Variants in ZXDC observed in about 807,000 individuals in gnomAD.
The protein encoded by ZXDC is zinc finger protein ZXDC.
A neutral mutation model predicts 63.6 loss-of-function variants in ZXDC; 58 were observed. The observed-to-expected ratio is 0.91, with a 90% CI of 0.74 to 1.13. The LOEUF is 1.13. Among genes scored for constraint, ZXDC ranks in the 50% most tolerant of loss-of-function variants. ZXDC has a pLI of 0.00. For missense variants in ZXDC, 1,133 were observed against 1,148.9 expected, an observed-to-expected ratio of 0.99 and a Z score of 0.20; for synonymous variants, 561 against 496.1, an observed-to-expected ratio of 1.13 and a Z score of -1.74.
rs1395051725 is a variant in ZXDC, at chr3:126,463,655, C to T, written c.1442-1435G>A. Among the ~76,000 whole-genome samples, 7 of 152,192 alleles carry T rather than the reference C, an allele frequency of 4.6e-5. No individual in the cohort carries two copies. The South Asian group carries it at 6.2e-4, about 14-fold the overall frequency. On this transcript the variant is annotated intron_variant, in intron 5 of 9. Coordinates refer to ENST00000389709, the MANE Select transcript of ZXDC (RefSeq NM_025112.5). ...AGAGCCAAATAAGGACTTGATGTCA[C>T]GCTTTCCATAGGACTGTCCCCAGCA...
chr3:126,444,376 C>CA lies in ZXDC; in HGVS notation c.2213-2431dup, dbSNP rs370277770. Among the ~76,000 whole-genome samples the CA allele has an allele frequency of 2.0e-5, 3 of 152,066 alleles. No homozygotes were observed. In the South Asian group the frequency reaches 6.2e-4, roughly 32 times the overall value. On this transcript the variant is annotated intron_variant, in intron 7 of 9. Coordinates refer to ENST00000389709, the MANE Select transcript of ZXDC (RefSeq NM_025112.5). The stretch of plus-strand genomic sequence containing the variant: ...TGAAACCTCGTCTCTACTAAAAATA[C>CA]AAAAAATTAGCCAGTGGTGGTGGCG...
chr3:126,460,885 T>C (rs917312283), intron 6 of ZXDC: 17 of 985,280 alleles, frequency 1.7e-5, no homozygotes, highest in Non-Finnish European at 2.0e-5. Context: ...AAATTTAGCC[T>C]GTGCCACAAA....
chr3:126,457,694 C>G, intron 7 of ZXDC: 1 of 968,582 alleles, frequency 1.0e-6, no homozygotes, highest in Middle Eastern at 5.3e-4. Context: ...GCTTTATAGA[C>G]ATGTCCCAGC....
intron 8 of ZXDC, 71 bp downstream of exon 8, chr3:126,441,694 G>A (rs1294772359): frequency 1.1e-5 from 16 of 1,471,076 alleles, no homozygotes; most frequent in African/African-American, 4.3e-5. Context: ...GCAGCATGCC[G>A]CACACTGCTC....
chr3:126,453,008 G>C (rs761351393), intron 7 of ZXDC: 8 of 985,230 alleles, frequency 8.1e-6, no homozygotes, highest in Non-Finnish European at 9.6e-6. Context: ...ACAGTGCTGG[G>C]ATTACAGCTC....
At chr3:126,444,003 C>T (rs1052469948) in intron 7 of ZXDC, among the ~76,000 whole-genome samples, 3 of 152,182 alleles carry the variant, frequency 2.0e-5, no homozygotes, top group Non-Finnish European at 2.9e-5. Context: ...TAGAATTAGA[C>T]ATGGTCAGCA....
In ZXDC at chr3:126,466,253, G is replaced by A. The variant is rs1934760438; in HGVS notation, c.1343C>T (p.Ala448Val). ...AGAAACTGGGCAACGGCTTTTCGGAGCACCCACATCCTGCACGTGTTTCTT... is the reference window on the plus strand; with the variant it reads ...AGAAACTGGGCAACGGCTTTTCGGAACACCCACATCCTGCACGTGTTTCTT... ...HSKKHVQDVG[A>V]PKSRCPVSTC... Residue 448 changes from alanine (A) to valine (V), a missense_variant, in exon 5 of 10, where the codon GCT becomes GTT. Ala to Val is a moderately conservative substitution (Grantham distance 64). Coordinates refer to ENST00000389709, the MANE Select transcript of ZXDC (RefSeq NM_025112.5). 1.9e-6 allele frequency: 3 copies of A among 1,614,104 alleles called. No individual in the cohort carries two copies. The highest frequency in any genetic ancestry group is 1.3e-5 in the African/African-American group (1 of 74,936).
chr3:126,464,940 C>T (rs1934697541), intron 5 of ZXDC, among the ~76,000 whole-genome samples: 1 of 152,242 alleles, frequency 6.6e-6, no homozygotes, highest in African/African-American at 2.4e-5. Flanking sequence ...CAAGGAGGGG[C>T]TTCATGACCA....
intron 6 of ZXDC, chr3:126,460,937 C>A (rs1934503482): frequency 1.0e-6 from 1 of 984,678 alleles, no homozygotes; most frequent in Non-Finnish European, 1.2e-6. Flanking sequence ...TCAGGAAAGT[C>A]AGACTATCTC....
Position 126,461,619 on chromosome 3 carries a change from C to T in ZXDC, c.2043G>A (p.Leu681=), listed in dbSNP as rs1359398750. The stretch of plus-strand genomic sequence containing the variant: ...CTGGACTGGGCAACGTGGACTGGGG[C>T]AGCCCATGGCTTCCTTCCTGCTGCC... ...AVGQQEGSHG[L]PQSTLPSPAE... is the part of the protein sequence containing the mutation. Residue 681 remains leucine, a synonymous_variant, in exon 6 of 10, where the codon CTG becomes CTA. Transcript: ENST00000389709. 4.3e-6 allele frequency: 7 copies of T among 1,613,968 alleles called. No individual in the cohort carries two copies. The highest frequency in any genetic ancestry group is 4.2e-6 in the Non-Finnish European group (5 of 1,180,034).
At chr3:126,446,564 G>C (rs993204409) in intron 7 of ZXDC, among the ~76,000 whole-genome samples, 5 of 152,154 alleles carry the variant, frequency 3.3e-5, no homozygotes, top group African/African-American at 1.2e-4. Context: ...ATGAGGCTCA[G>C]GCCCCTCCCT....
rs201279323 is a variant in ZXDC at position 126,466,236 on chromosome 3, G to T, written c.1360C>A (p.Pro454Thr). 1.3e-5 allele frequency: 21 copies of T among 1,614,078 alleles called. No individual in the cohort carries two copies. The Admixed American group carries it at 3.3e-4, about 26-fold the overall frequency. Residue 454 changes from proline to threonine, a missense_variant, in exon 5 of 10, where the codon CCA (proline) becomes ACA (threonine). Transcript: ENST00000389709. ...QDVGAPKSRCPVSTCNRLFTS... is the reference protein window; with the variant it reads ...QDVGAPKSRCTVSTCNRLFTS... ...AAGAGTCTGTTGCAGGTAGAAACTG[G>T]GCAACGGCTTTTCGGAGCACCCACA...
At chr3:126,464,296 A>C (rs1388514916) in intron 5 of ZXDC, among the ~76,000 whole-genome samples, 1 of 152,248 alleles carries the variant, frequency 6.6e-6, no homozygotes, top group Non-Finnish European at 1.5e-5. Context: ...TTCAAAGCCC[A>C]GCCCCAGCCC....
At chr3:126,447,425 T>C (rs990150274) in intron 7 of ZXDC, among the ~76,000 whole-genome samples, 4 of 152,266 alleles carry the variant, frequency 2.6e-5, no homozygotes, top group African/African-American at 7.2e-5. Flanking sequence ...TAGCTATCTA[T>C]TGATCCTTCT....
chr3:126,453,174 ACT>A (rs1457842434), intron 7 of ZXDC: 48 of 985,102 alleles, frequency 4.9e-5, no homozygotes, highest in Non-Finnish European at 5.7e-5. Context: ...TTCCTAGAAA[ACT>A]CTGCATTTTG....
At chr3:126,449,922 T>C (rs1934032928) in intron 7 of ZXDC, among the ~76,000 whole-genome samples, 1 of 152,228 alleles carries the variant, frequency 6.6e-6, no homozygotes, top group Non-Finnish European at 1.5e-5. Context: ...CAGGACGCTC[T>C]GTGGAGAAGG....
At position 126,475,248 on chromosome 3, in the gene ZXDC, C is replaced by G. The variant is rs1315101546; in HGVS notation, c.618G>C (p.Arg206=). 1 of 1,559,998 alleles carries G rather than the reference C, an allele frequency of 6.4e-7. No individual in the cohort carries two copies. Among genetic ancestry groups the G allele is most frequent in the South Asian group, 1.2e-5 (1 of 85,012 alleles). Residue 206 remains arginine, a synonymous_variant, in exon 1 of 10, where the codon CGG becomes CGC. Transcript: ENST00000389709. ...AGCCCTCCAGTGGGCACTTGAAGGG[C>G]CGCCGGCCCTGACCGCCGCCGTGCG... ...LLTHGGGQGR[R]PFKCPLEGCG...
rs1349021068 is a variant in ZXDC, at chr3:126,462,044, T to C, written c.1618A>G (p.Ile540Val). ...GAGGAGCTCACAGAAGTGACGTCAATAGTCAGGATTCCGGAGTTCAGAGCC... is the reference window on the plus strand; with the variant it reads ...GAGGAGCTCACAGAAGTGACGTCAACAGTCAGGATTCCGGAGTTCAGAGCC... ...DEALNSGILT[I>V]DVTSVSSSLG... The change falls in exon 6 of 10, where the codon ATT (isoleucine) becomes GTT (valine). Residue 540 changes from isoleucine (I) to valine (V), a missense_variant. By Grantham distance (29) the Ile-to-Val change is conservative. Transcript: ENST00000389709. The C allele has an allele frequency of 3.7e-6, 6 of 1,613,904 alleles. No individual in the cohort carries two copies. The East Asian group carries it at 6.7e-5, about 18-fold the overall frequency.
Position 126,461,614 on chromosome 3 carries a change from T to G in ZXDC, c.2048A>C (p.Gln683Pro). Residue 683 changes from glutamine to proline, a missense_variant, in exon 6 of 10, where the codon CAG becomes CCG. Physicochemically the swap from Gln to Pro is moderately conservative, Grantham distance 76. Coordinates refer to ENST00000389709, the MANE Select transcript of ZXDC (RefSeq NM_025112.5). The stretch of plus-strand genomic sequence containing the variant: ...CTCTGCTGGACTGGGCAACGTGGAC[T>G]GGGGCAGCCCATGGCTTCCTTCCTG... Reference protein sequence around the residue: ...GQQEGSHGLPQSTLPSPAEQH... With the variant: ...GQQEGSHGLPPSTLPSPAEQH... 2 of 1,614,096 alleles carry G rather than the reference T, an allele frequency of 1.2e-6. No individual in the cohort carries two copies. The highest frequency in any genetic ancestry group is 1.7e-6 in the Non-Finnish European group (2 of 1,180,024).
Sources: allele counts gnomAD v4.1 joint callset (sites outside exome capture counted in the v4.1 genomes callset), GRCh38; gene constraint gnomAD v4.1.1; transcripts MANE v1.5; gene names NCBI Gene and HGNC (gene_info 2026-07-23, HGNC 2026-07-21).